The following GREB1L variants were observed in gnomAD, a reference collection of about 807,000 sequenced individuals.
GREB1L encodes the protein GREB1-like protein.
Under a neutral mutation model 200.8 loss-of-function variants are expected in GREB1L, and 17 were observed. That is an observed-to-expected ratio of 0.08 (90% CI 0.06 to 0.13). The LOEUF (loss-of-function observed/expected upper bound fraction) is 0.13, where lower values mean the gene tolerates loss of function less well. Among genes scored for constraint, GREB1L ranks in the 10% least tolerant of loss-of-function variants. GREB1L has a pLI of 1.00. For missense variants in GREB1L, 1,657 were observed against 2,367.7 expected, an observed-to-expected ratio of 0.70 and a Z score of 6.23; for synonymous variants, 789 against 893.0, an observed-to-expected ratio of 0.88 and a Z score of 2.08.
At chr18:21,473,262 G>A (rs1210367191) in intron 16 of GREB1L, 51 bp downstream of exon 16, 1 of 1,313,550 alleles carries the variant, frequency 7.6e-7, no homozygotes, top group Non-Finnish European at 1.0e-6. Context: ...AGGAATAATT[G>A]TTACCTAATG....
intron 4 of GREB1L, among the ~76,000 whole-genome samples, chr18:21,390,782 G>A (rs549667532): frequency 2.6e-5 from 4 of 152,068 alleles, no homozygotes; most frequent in South Asian, 2.1e-4. Flanking sequence ...TGATCCACCC[G>A]CCTTGGCCTC....
chr18:21,419,518 T>C (rs148499907), intron 7 of GREB1L, among the ~76,000 whole-genome samples: 173 of 152,342 alleles, frequency 1.1e-3, no homozygotes, highest in Middle Eastern at 3.4e-3. Flanking sequence ...TATGGTGTGA[T>C]CTTGGCTCAC....
chr18:21,478,973 C>CCAGG (rs2035815071), intron 17 of GREB1L, among the ~76,000 whole-genome samples: 1 of 152,174 alleles, frequency 6.6e-6, no homozygotes, highest in Non-Finnish European at 1.5e-5. Flanking sequence ...CCTCCACCTC[C>CCAGG]CAGGTTCAAG....
intron 1 of GREB1L, among the ~76,000 whole-genome samples, chr18:21,365,363 C>T (rs1279759096): frequency 6.6e-6 from 1 of 152,056 alleles, no homozygotes; most frequent in African/African-American, 2.4e-5. Context: ...AACTATATTT[C>T]CTATTTTCCC....
Position 21,499,940 on chromosome 18 carries a change from GTCA to G in GREB1L, c.3612_3614del (p.Ser1206del). 6.4e-7 allele frequency: 1 copy of G among 1,550,390 alleles called. No homozygotes were observed. Among genetic ancestry groups the G allele is most frequent in the South Asian group, 1.2e-5 (1 of 83,988 alleles). ...TGGCGAGCAGCACCACCTCCAAGCC[GTCA>G]TCATCATCCTCAGGACCCAGGACCC... On this transcript the variant is annotated inframe_deletion, in exon 22 of 33. Transcript: ENST00000424526.
intron 1 of GREB1L, among the ~76,000 whole-genome samples, chr18:21,336,281 A>T (rs889588090): frequency 1.5e-4 from 23 of 152,204 alleles, no homozygotes; most frequent in African/African-American, 4.8e-4. Flanking sequence ...AAATGGAAAA[A>T]TAAACTTTAC....
At chr18:21,287,841 C>G (rs574651762) in intron 1 of GREB1L, among the ~76,000 whole-genome samples, 3 of 147,036 alleles carry the variant, frequency 2.0e-5, no homozygotes, top group Non-Finnish European at 3.0e-5. Flanking sequence ...GTTGCCCAGG[C>G]TGGAGAGCAG....
chr18:21,405,543 G>A (rs2030094014), intron 7 of GREB1L, among the ~76,000 whole-genome samples: 1 of 152,242 alleles, frequency 6.6e-6, no homozygotes. Flanking sequence ...GTTCATGCCT[G>A]TAATCCTAGC....
chr18:21,269,038 G>T (rs868739659), intron 1 of GREB1L, among the ~76,000 whole-genome samples: 13 of 152,066 alleles, frequency 8.5e-5, no homozygotes, highest in African/African-American at 3.1e-4. Flanking sequence ...AAGAAGCCTT[G>T]CCATACCCCA....
intron 1 of GREB1L, among the ~76,000 whole-genome samples, chr18:21,248,400 A>G (rs1248260345): frequency 1.3e-5 from 2 of 152,242 alleles, no homozygotes; most frequent in Non-Finnish European, 2.9e-5. Context: ...CATGGACCTA[A>G]TAATCTGGAA....
chr18:21,431,209 GAGACAGAGTTTTGCCACATTGGCC>G (rs1055434847), intron 7 of GREB1L, among the ~76,000 whole-genome samples: 1 of 151,738 alleles, frequency 6.6e-6, no homozygotes, highest in African/African-American at 2.4e-5. Flanking sequence ...TTTTTTAGTA[GAGACAGAGTTTTGCCACATTGGCC>G]AGACTGGTCC....
chr18:21,454,623 C>T, intron 15 of GREB1L, 60 bp downstream of exon 15: 1 of 1,248,616 alleles, frequency 8.0e-7, no homozygotes, highest in South Asian at 1.3e-5. Flanking sequence ...CCCTCTGCCT[C>T]TTTCTTTTGC....
intron 1 of GREB1L, among the ~76,000 whole-genome samples, chr18:21,261,428 A>T (rs1214756991): frequency 6.6e-6 from 1 of 152,096 alleles, no homozygotes; most frequent in Non-Finnish European, 1.5e-5. Context: ...TGTTCTCTTA[A>T]GCAAGGTTAC....
intron 1 of GREB1L, among the ~76,000 whole-genome samples, chr18:21,260,565 A>G (rs1170412163): frequency 6.6e-6 from 1 of 151,910 alleles, no homozygotes; most frequent in Non-Finnish European, 1.5e-5. Flanking sequence ...CATGCAAAGG[A>G]CCATTTGTTC....
In GREB1L at chr18:21,242,380, C is replaced by T. The variant is rs1451181469; in HGVS notation, c.-133C>T. Reference sequence around the variant, plus strand: ...ACCCCCTGGTCCTCTGCCCTCGCGCCCCGCTAGGGCCAGGTGAGCGGCCGC... The same window carrying T: ...ACCCCCTGGTCCTCTGCCCTCGCGCTCCGCTAGGGCCAGGTGAGCGGCCGC... On this transcript the variant is annotated 5_prime_UTR_variant, in exon 1 of 33. Coordinates refer to ENST00000424526, the MANE Select transcript of GREB1L (RefSeq NM_001142966.3). The T allele has an allele frequency of 6.6e-6, 1 of 152,142 alleles. No individual in the cohort carries two copies. The highest frequency in any genetic ancestry group is 1.9e-4 in the East Asian group (1 of 5,140). The allele number at this position is 152,142 out of a possible 1,614,324, so 9.4% of individuals were successfully genotyped here.
intron 19 of GREB1L, among the ~76,000 whole-genome samples, chr18:21,494,696 GT>G (rs1284341541): frequency 6.6e-6 from 1 of 151,994 alleles, no homozygotes; most frequent in Non-Finnish European, 1.5e-5. Context: ...AGAAATGTCA[GT>G]TCATTGCTTA....
chr18:21,402,557 C>T (rs985392409), intron 6 of GREB1L, among the ~76,000 whole-genome samples: 12 of 149,208 alleles, frequency 8.0e-5, no homozygotes, highest in Middle Eastern at 3.5e-3. Context: ...CTTTCTTACA[C>T]GCTCTCACTC....
Position 21,490,028 on chromosome 18 carries a change from A to G in GREB1L, c.2707A>G (p.Ser903Gly). 1 of 1,551,598 alleles carries G rather than the reference A, an allele frequency of 6.4e-7. No homozygotes were observed. Among genetic ancestry groups the G allele is most frequent in the African/African-American group, 1.4e-5 (1 of 73,162 alleles). The change falls in exon 19 of 33, where the codon AGC becomes GGC. Residue 903 changes from serine (S) to glycine (G), a missense_variant. Ser to Gly is a moderately conservative substitution (Grantham distance 56). Transcript: ENST00000424526. Reference sequence around the variant, plus strand: ...CTGTTGAAGGTACCCCAGGCTGCACAGCATGGTCGTCCGCTGCTATCTTCT... The same window carrying G: ...CTGTTGAAGGTACCCCAGGCTGCACGGCATGGTCGTCCGCTGCTATCTTCT... Reference protein sequence around the residue: ...TLLERYPRLHSMVVRCYLLIQ... With the variant: ...TLLERYPRLHGMVVRCYLLIQ...
intron 5 of GREB1L, among the ~76,000 whole-genome samples, chr18:21,395,957 T>C (rs1394333994): frequency 6.6e-6 from 1 of 152,054 alleles, no homozygotes; most frequent in Non-Finnish European, 1.5e-5. Context: ...CTTAAACCCC[T>C]GACCTCGTGA....
Sources: allele counts gnomAD v4.1 joint callset (sites outside exome capture counted in the v4.1 genomes callset), GRCh38; gene constraint gnomAD v4.1.1; transcripts MANE v1.5; gene names NCBI Gene and HGNC (gene_info 2026-07-23, HGNC 2026-07-21).